PLIN2: variants seen among roughly 807,000 people sequenced by gnomAD.
PLIN2 encodes perilipin-2.
In PLIN2, 33 loss-of-function variants were observed where a neutral mutation model predicts 30.6. The observed-to-expected ratio is 1.08, with a 90% CI of 0.82 to 1.44. The LOEUF (loss-of-function observed/expected upper bound fraction) is 1.44. Among genes scored for constraint, PLIN2 ranks in the 40% most tolerant of loss-of-function variants. The pLI is 0.00. For synonymous variants in PLIN2, 205 were observed against 201.1 expected (o/e 1.02, Z -0.16); for missense variants, 610 against 531.8 (o/e 1.15, Z -1.45).
chr9:19,124,317 A>G (rs986899224), intron 3 of PLIN2, among the ~76,000 whole-genome samples: 2 of 152,114 alleles, frequency 1.3e-5, no homozygotes, highest in Admixed American at 1.3e-4. Flanking sequence ...CGGCATTCCC[A>G]TGCTAGTTTA....
In PLIN2 at chr9:19,118,414, T is replaced by C. The variant is rs1193153146; in HGVS notation, c.819A>G (p.Lys273=). ...AGAGCTTATCCTGAGCATCCTGAAT[T>C]TTCTGATTGGCACTATACACATTCT... The part of the protein sequence containing the change: ...ARKNVYSANQ[K]IQDAQDKLYL... Residue 273 remains lysine (K), a synonymous_variant, in exon 7 of 8, where the codon AAA becomes AAG. Coordinates refer to ENST00000276914, the MANE Select transcript of PLIN2 (RefSeq NM_001122.4). 1.9e-6 allele frequency: 3 copies of C among 1,613,922 alleles called. No homozygotes were observed. The Admixed American group carries it at 5.0e-5, about 27-fold the overall frequency.
chr9:19,121,489 C>CAAA (rs375474450), intron 4 of PLIN2, among the ~76,000 whole-genome samples: 2 of 45,214 alleles, frequency 4.4e-5, no homozygotes, highest in Non-Finnish European at 9.4e-5. Flanking sequence ...GACCCTGTCT[C>CAAA]AAAAAAAAAA....
In PLIN2 at chr9:19,126,386, A is replaced by C; in HGVS notation, c.30+11T>G. Reference sequence around the variant, plus strand: ...GAGAGAAAGTAGACAAAGGCTACTCAAAATTCATACCGGTTGTGGATCAAC... The same window carrying C: ...GAGAGAAAGTAGACAAAGGCTACTCCAAATTCATACCGGTTGTGGATCAAC... On this transcript the variant is annotated intron_variant, in intron 2 of 7. Transcript: ENST00000276914. 1.9e-6 allele frequency: 3 copies of C among 1,613,970 alleles called. No individual in the cohort carries two copies. The highest frequency in any genetic ancestry group is 2.5e-6 in the Non-Finnish European group (3 of 1,179,868).
rs1818218344 is a variant in PLIN2, at chr9:19,116,197, C to G, written c.*51G>C. 1 of 1,496,192 alleles carries G rather than the reference C, an allele frequency of 6.7e-7. No individual in the cohort carries two copies. The highest frequency in any genetic ancestry group is 8.9e-7 in the Non-Finnish European group (1 of 1,119,172). 92.7% of individuals were successfully genotyped at this position (1,496,192 alleles called of 1,614,324 possible). A position where few individuals can be genotyped will look rare whatever the true frequency, so the allele number is the denominator to read the frequency against. ...GCCTAGCAAGTTAATTTCAACATAA[C>G]AAAAGGTGTCATCTGTCTGGCCACA... On this transcript the variant is annotated 3_prime_UTR_variant, in exon 8 of 8. Coordinates refer to ENST00000276914, the MANE Select transcript of PLIN2 (RefSeq NM_001122.4).
intron 5 of PLIN2, among the ~76,000 whole-genome samples, chr9:19,120,544 G>A (rs1423631233): frequency 6.6e-6 from 1 of 152,164 alleles, no homozygotes; most frequent in African/African-American, 2.4e-5. Context: ...GCTTTAGGAA[G>A]GAAAATCTAT....
chr9:19,126,545 C>T (rs1456240709), intron 1 of PLIN2, 97 bp from the exon 2 acceptor site: 4 of 790,850 alleles, frequency 5.1e-6, no homozygotes, highest in East Asian at 2.5e-5. Flanking sequence ...GAGAAAAATG[C>T]AGGGTGAGCT....
chr9:19,118,521 T>C, intron 6 of PLIN2, 66 bp from the exon 7 acceptor site: 5 of 1,448,566 alleles, frequency 3.5e-6, no homozygotes, highest in Non-Finnish European at 4.7e-6. Flanking sequence ...TGTTTGCAGA[T>C]GTATGATGTA....
chr9:19,120,064 CTT>C (rs879608897), intron 5 of PLIN2, among the ~76,000 whole-genome samples: 1 of 144,562 alleles, frequency 6.9e-6, no homozygotes, highest in Admixed American at 7.0e-5. Flanking sequence ...GAGTAAACTG[CTT>C]TTTTTTTTTT....
rs1432983644 is a variant in PLIN2, at chr9:19,127,284, C to G, written c.-23+135G>C. Reference sequence around the variant, plus strand: ...GCGGGGGGTCTCGGACCATCACCCCCGCGTCCCGTCCACCTTTGAGCCCCG... The same window carrying G: ...GCGGGGGGTCTCGGACCATCACCCCGGCGTCCCGTCCACCTTTGAGCCCCG... On this transcript the variant is annotated intron_variant, in intron 1 of 7. Transcript: ENST00000276914. The surrounding 1 kb of genome is among the most constrained non-coding windows in gnomAD (Gnocchi z 4.3). 1 of 152,182 alleles carries G rather than the reference C, an allele frequency of 6.6e-6. No individual in the cohort carries two copies. Among genetic ancestry groups the G allele is most frequent in the Non-Finnish European group, 1.5e-5 (1 of 68,086 alleles). The allele number at this position is 152,182 out of a possible 1,614,324, so 9.4% of individuals were successfully genotyped here. A position where few individuals can be genotyped will look rare whatever the true frequency, so the allele number is the denominator to read the frequency against.
At chr9:19,122,418 T>C (rs1353504274) in intron 4 of PLIN2, among the ~76,000 whole-genome samples, 4 of 152,028 alleles carry the variant, frequency 2.6e-5, no homozygotes, top group African/African-American at 7.2e-5. Flanking sequence ...ATACTTATCA[T>C]TGTGTTACAG....
intron 4 of PLIN2, among the ~76,000 whole-genome samples, 185 bp from the exon 5 acceptor site, chr9:19,121,350 G>T (rs932143707): frequency 1.8e-4 from 28 of 152,106 alleles, no homozygotes; most frequent in Non-Finnish European, 2.4e-4. Flanking sequence ...AAGTATATCT[G>T]CCCTACCTGC....
chr9:19,126,497 A>G, intron 1 of PLIN2, 49 bp from the exon 2 acceptor site: 1 of 1,217,028 alleles, frequency 8.2e-7, no homozygotes, highest in Non-Finnish European at 1.2e-6. Context: ...ACTCTCCCAA[A>G]TTCATTCCCC....
rs766637413 is a variant in PLIN2, at chr9:19,126,148, A to C, written c.192T>G (p.Ser64Arg). The change falls in exon 3 of 8, where the codon AGT (serine) becomes AGG (arginine). Residue 64 changes from serine to arginine, a missense_variant. Coordinates refer to ENST00000276914, the MANE Select transcript of PLIN2 (RefSeq NM_001122.4). ...CTAGCTTCTGGATGATGGGCAGAGC[A>C]CTGGTCATGGCCACGGAGGTGATGG... ...VKTITSVAMT[S>R]ALPIIQKLEP... 2 of 1,614,164 alleles carry C rather than the reference A, an allele frequency of 1.2e-6. No homozygotes were observed. The highest frequency in any genetic ancestry group is 1.7e-5 in the Admixed American group (1 of 60,016).
chr9:19,109,159 C>G (rs1466383741), intron 2 of PLIN2, among the ~76,000 whole-genome samples: 1 of 152,158 alleles, frequency 6.6e-6, no homozygotes, highest in Non-Finnish European at 1.5e-5. Context: ...TACCTCTTCC[C>G]TGCACAGGAA....
chr9:19,123,459 G>A, intron 4 of PLIN2, 106 bp downstream of exon 4: 1 of 1,578,240 alleles, frequency 6.3e-7, no homozygotes, highest in South Asian at 1.1e-5. Context: ...GATCCAGGTT[G>A]GGAAAACAAG....
At position 19,123,651 on chromosome 9, in the gene PLIN2, G is replaced by C. The variant is rs1169746571; in HGVS notation, c.227-4C>G. On this transcript the variant is annotated splice_region_variant and splice_polypyrimidine_tract_variant and intron_variant, in intron 3 of 7. Coordinates refer to ENST00000276914, the MANE Select transcript of PLIN2 (RefSeq NM_001122.4). ...GCATAGGTATTGGCAACTGCAACTA[G>C]AATCACAAATGGGAAAATGTTAATG... is the stretch of plus-strand genomic sequence containing the variant. 3.1e-6 allele frequency: 5 copies of C among 1,609,868 alleles called. No individual in the cohort carries two copies. The South Asian group carries it at 3.3e-5, about 11-fold the overall frequency.
chr9:19,115,228 C>T (rs1021437614), downstream of PLIN2, among the ~76,000 whole-genome samples: 3 of 152,002 alleles, frequency 2.0e-5, no homozygotes, highest in Non-Finnish European at 4.4e-5. Flanking sequence ...TGAATATGCA[C>T]ATTAGCTTTT....
chr9:19,118,849 T>C (rs1459712920), intron 6 of PLIN2, among the ~76,000 whole-genome samples: 3 of 152,154 alleles, frequency 2.0e-5, no homozygotes, highest in Admixed American at 1.3e-4. Context: ...TACGCCACCA[T>C]GCCCAGCTAA....
chr9:19,108,474 G>A (rs994844742), exon 3 of PLIN2: 1 of 152,338 alleles, frequency 6.6e-6, no homozygotes, highest in Non-Finnish European at 1.5e-5. Flanking sequence ...CAAAAGTTTA[G>A]ATCAGAGTGT....
Sources: gnomAD v4.1 joint callset for allele counts (sites outside exome capture counted in the v4.1 genomes callset) on GRCh38, gnomAD v4.1.1 for gene constraint, Gnocchi (gnomAD v3.1) non-coding constraint, MANE v1.5 for transcripts, NCBI Gene and HGNC (gene_info 2026-07-23, HGNC 2026-07-21) for gene names.